Variants in RIMS2 observed in about 807,000 individuals in gnomAD.
RIMS2 encodes the protein regulating synaptic membrane exocytosis protein 2.
In RIMS2, 59 loss-of-function variants were observed where a neutral mutation model predicts 174.4. The observed-to-expected ratio is 0.34, with a 90% confidence interval of 0.27 to 0.42. RIMS2 has a LOEUF of 0.42. Ranked by LOEUF, RIMS2 falls within the 10% of genes least tolerant of loss-of-function variation. The pLI is 1.00. For synonymous variants in RIMS2, 606 were observed against 572.5 expected, an observed-to-expected ratio of 1.06 and a Z score of -0.84; for missense variants, 1,620 against 1,666.3, an observed-to-expected ratio of 0.97 and a Z score of 0.48.
chr8:103,647,570 G>T (rs981174479), intron 1 of RIMS2, among the ~76,000 whole-genome samples: 3 of 152,110 alleles, frequency 2.0e-5, no homozygotes, highest in African/African-American at 7.2e-5. Context: ...TTTTGGGTTG[G>T]TAGGCTATCT....
chr8:103,825,749 AAG>A (rs1414302426), intron 3 of RIMS2, among the ~76,000 whole-genome samples: 1 of 152,140 alleles, frequency 6.6e-6, no homozygotes, highest in Non-Finnish European at 1.5e-5. Flanking sequence ...AAATAACTAA[AAG>A]AGAAATTTGT....
chr8:103,824,339 A>G (rs2098772822), intron 3 of RIMS2, among the ~76,000 whole-genome samples: 1 of 152,184 alleles, frequency 6.6e-6, no homozygotes, highest in South Asian at 2.1e-4. Context: ...ACTAAATAGT[A>G]AAATGAATTC....
At chr8:103,918,178 T>C (rs2076961408) in intron 8 of RIMS2, among the ~76,000 whole-genome samples, 1 of 152,160 alleles carries the variant, frequency 6.6e-6, no homozygotes, top group African/African-American at 2.4e-5. Flanking sequence ...GTGAGGCACA[T>C]AGAAAATAAA....
chr8:104,199,768 C>T (rs753807241), intron 19 of RIMS2, among the ~76,000 whole-genome samples: 4 of 152,048 alleles, frequency 2.6e-5, no homozygotes, highest in Non-Finnish European at 4.4e-5. Context: ...TAACAGGCTC[C>T]GTATATGCAA....
intron 19 of RIMS2, among the ~76,000 whole-genome samples, chr8:104,195,270 A>G (rs553512443): frequency 2.6e-5 from 4 of 152,244 alleles, no homozygotes; most frequent in African/African-American, 9.6e-5. Flanking sequence ...GAAGTTGAGG[A>G]AGAGGTAGAA....
chr8:104,013,402 A>G, intron 17 of RIMS2, 40 bp from the exon 20 acceptor site: 1 of 1,554,232 alleles, frequency 6.4e-7, no homozygotes, highest in Admixed American at 1.7e-5. Context: ...GCAGAAGGGC[A>G]CTAAAGATCA....
At chr8:103,890,241 G>C (rs538227756) in intron 4 of RIMS2, among the ~76,000 whole-genome samples, 1 of 152,090 alleles carries the variant, frequency 6.6e-6, no homozygotes, top group Non-Finnish European at 1.5e-5. Flanking sequence ...GTCCTAAACT[G>C]AATGAAGCTT....
In RIMS2 at chr8:103,587,340, T is replaced by C. The variant is rs185327948; in HGVS notation, c.176+86278T>C. Among the ~76,000 whole-genome samples the C allele has an allele frequency of 8.7e-4, 131 of 150,404 alleles. 2 individuals are homozygous for C. Among genetic ancestry groups the C allele is most frequent in the Admixed American group, 8.6e-3 (129 of 14,922 alleles). The stretch of plus-strand genomic sequence containing the variant: ...TGAAAAATAGAGGAGGAAAGAATAC[T>C]TCCAAACTCATTTTACAAGTCCAGT... On this transcript the variant is annotated intron_variant, in intron 1 of 23. Transcript: ENST00000504942.
intron 1 of RIMS2, among the ~76,000 whole-genome samples, chr8:103,662,988 G>A (rs959773128): frequency 4.6e-5 from 7 of 151,984 alleles, no homozygotes; most frequent in African/African-American, 1.7e-4. Flanking sequence ...GGCTAACATG[G>A]TGAAACCCCG....
In RIMS2 at chr8:103,900,967, G is replaced by A. The variant is rs554483174; in HGVS notation, c.1625-9167G>A. The stretch of plus-strand genomic sequence containing the variant: ...TCTTCATTAGTTGCGCATCTGTCTT[G>A]CCCCCAGGGACGCTGTGCTCAATGA... On this transcript the variant is annotated intron_variant, in intron 4 of 23. Coordinates refer to ENST00000504942, the Ensembl canonical transcript of RIMS2. Among the ~76,000 whole-genome samples, 6 of 152,128 alleles carry A rather than the reference G, an allele frequency of 3.9e-5. No homozygotes were observed. The South Asian group carries it at 1.2e-3, about 32-fold the overall frequency.
chr8:103,562,989 G>A (rs914659408), intron 1 of RIMS2, among the ~76,000 whole-genome samples: 4 of 152,132 alleles, frequency 2.6e-5, no homozygotes, highest in Non-Finnish European at 4.4e-5. Flanking sequence ...TGGGACACAG[G>A]GCACCAAGTC....
At chr8:103,545,872 C>T (rs908071805) in intron 1 of RIMS2, among the ~76,000 whole-genome samples, 1 of 152,158 alleles carries the variant, frequency 6.6e-6, no homozygotes, top group Non-Finnish European at 1.5e-5. Flanking sequence ...ACCTACCTAC[C>T]TCTCTGATCC....
chr8:103,766,218 C>T lies in RIMS2; in HGVS notation c.388-9C>T, dbSNP rs1419157348. On this transcript the variant is annotated splice_polypyrimidine_tract_variant and intron_variant, in intron 2 of 23. Coordinates refer to ENST00000504942, the Ensembl canonical transcript of RIMS2. ...CACTAATTTTTTCCCCCTATGTCTT[C>T]ATGTGCAGGTTATGTGGGTATGTAA... The T allele has an allele frequency of 3.1e-6, 5 of 1,589,036 alleles. No individual in the cohort carries two copies. The Admixed American group carries it at 8.8e-5, about 28-fold the overall frequency.
intron 2 of RIMS2, among the ~76,000 whole-genome samples, chr8:103,762,560 C>A (rs531437035): frequency 1.3e-5 from 2 of 152,212 alleles, no homozygotes; most frequent in Admixed American, 1.3e-4. Context: ...CATTTCACAA[C>A]ATATATGTAT....
intron 3 of RIMS2, chr8:103,768,681 G>A (rs905907937): frequency 5.1e-6 from 4 of 779,160 alleles, no homozygotes; most frequent in Non-Finnish European, 9.5e-6. Context: ...ATCACCTGGG[G>A]CCCAAAAGAG....
intron 1 of RIMS2, among the ~76,000 whole-genome samples, chr8:103,679,632 GA>G (rs905031653): frequency 2.2e-4 from 33 of 152,014 alleles, no homozygotes; most frequent in African/African-American, 7.9e-4. Flanking sequence ...ACTCAGAAGT[GA>G]AAAATATTTA....
intron 1 of RIMS2, among the ~76,000 whole-genome samples, chr8:103,651,452 T>A (rs34684719): frequency 0.12 from 17,637 of 152,194 alleles, 1,354 homozygotes; most frequent in Non-Finnish European, 0.17. Context: ...GAATTTTAGA[T>A]TTTTGTAATA....
At chr8:103,500,927 T>A in exon 1 of RIMS2, 1 of 1,607,380 alleles carries the variant, frequency 6.2e-7, no homozygotes, top group Non-Finnish European at 8.5e-7. Context: ...CTGGCTCCCA[T>A]CCCGGCGGCC....
At chr8:104,152,324 A>G (rs1361750842) in intron 19 of RIMS2, among the ~76,000 whole-genome samples, 1 of 152,162 alleles carries the variant, frequency 6.6e-6, no homozygotes, top group African/African-American at 2.4e-5. Context: ...TAAAATTTGC[A>G]GTTATTCATA....
Sources: allele counts gnomAD v4.1 joint callset (sites outside exome capture counted in the v4.1 genomes callset), GRCh38; gene constraint gnomAD v4.1.1; transcripts MANE v1.5; gene names NCBI Gene and HGNC (gene_info 2026-07-23, HGNC 2026-07-21).